Variants in GRAMD1B observed in about 807,000 individuals in gnomAD.
GRAMD1B encodes protein Aster-B.
In GRAMD1B, 37 loss-of-function variants were observed where a neutral mutation model predicts 99.7. The ratio of observed to expected loss-of-function variants is 0.37; its 90% CI spans 0.29 to 0.49. GRAMD1B has a LOEUF of 0.49. Ranked by LOEUF, GRAMD1B falls within the 20% of genes least tolerant of loss-of-function variation. GRAMD1B has a pLI of 0.98. For missense variants in GRAMD1B, 888 were observed against 1,009.2 expected (o/e 0.88, Z 1.63); for synonymous variants, 427 against 387.6 (o/e 1.10, Z -1.19).
chr11:123,477,370 A>G (rs1225852270), intron 1 of GRAMD1B, among the ~76,000 whole-genome samples: 1 of 144,506 alleles, frequency 6.9e-6, no homozygotes, highest in African/African-American at 2.6e-5. Flanking sequence ...TGGTAAATGG[A>G]AAATGGAAAT....
At chr11:123,467,056 G>A (rs1950713632) in intron 1 of GRAMD1B, among the ~76,000 whole-genome samples, 1 of 152,194 alleles carries the variant, frequency 6.6e-6, no homozygotes, top group Non-Finnish European at 1.5e-5. Context: ...TGTGGTGATA[G>A]GCCTAGAATT....
chr11:123,547,404 G>A (rs1945128125), intron 2 of GRAMD1B, among the ~76,000 whole-genome samples: 2 of 152,188 alleles, frequency 1.3e-5, no homozygotes, highest in South Asian at 4.1e-4. Context: ...AGAGTTGGGA[G>A]GTTTTTAGAG....
intron 1 of GRAMD1B, among the ~76,000 whole-genome samples, chr11:123,424,987 T>A (rs754122935): frequency 6.6e-6 from 1 of 152,260 alleles, no homozygotes; most frequent in Non-Finnish European, 1.5e-5. Flanking sequence ...AGGAAACTTA[T>A]ACATAACAAA....
chr11:123,511,855 T>C (rs1221182241), intron 2 of GRAMD1B, among the ~76,000 whole-genome samples: 1 of 152,182 alleles, frequency 6.6e-6, no homozygotes, highest in East Asian at 1.9e-4. Flanking sequence ...GGTTTTCTGC[T>C]CCTCCCAGCC....
intron 7 of GRAMD1B, among the ~76,000 whole-genome samples, chr11:123,596,294 G>A (rs1014140737): frequency 6.6e-6 from 1 of 152,090 alleles, no homozygotes; most frequent in Admixed American, 6.5e-5. Context: ...AAGCGTGTTG[G>A]GTAATATCTC....
chr11:123,483,391 CTTT>C (rs67407274), intron 2 of GRAMD1B, among the ~76,000 whole-genome samples: 14 of 134,162 alleles, frequency 1.0e-4, no homozygotes, highest in Non-Finnish European at 9.6e-5. Context: ...TTTTCTTTTT[CTTT>C]TTTTTTTTTT....
chr11:123,597,935 C>T (rs1424428641), intron 7 of GRAMD1B: 12 of 1,081,994 alleles, frequency 1.1e-5, no homozygotes, highest in Non-Finnish European at 1.6e-5. Flanking sequence ...GAGCTACATC[C>T]CTGAACACTA....
At position 123,610,154 on chromosome 11, in the gene GRAMD1B, G is replaced by A; in HGVS notation, c.1777-42G>A. The A allele has an allele frequency of 6.2e-7, 1 of 1,607,740 alleles. No individual in the cohort carries two copies. The highest frequency in any genetic ancestry group is 8.5e-7 in the Non-Finnish European group (1 of 1,174,964). The stretch of plus-strand genomic sequence containing the variant: ...GAGAAGGTGCTTTTCCAAGCTTCTT[G>A]CTCCTCTTCAGTTTTGTCCAATGGA... On this transcript the variant is annotated intron_variant, in intron 13 of 19. Coordinates refer to ENST00000635736, the MANE Select transcript of GRAMD1B (RefSeq NM_001387025.1). This position sits in a 1 kb window ranked among gnomAD's most constrained non-coding sequence, Gnocchi z 4.1.
intron 1 of GRAMD1B, among the ~76,000 whole-genome samples, chr11:123,469,457 C>T (rs901321460): frequency 4.0e-5 from 6 of 151,886 alleles, no homozygotes; most frequent in African/African-American, 1.5e-4. Flanking sequence ...CGGATGGATT[C>T]GAGAGTCACT....
chr11:123,451,581 A>G (rs755344372), intron 1 of GRAMD1B, among the ~76,000 whole-genome samples: 1 of 152,126 alleles, frequency 6.6e-6, no homozygotes, highest in African/African-American at 2.4e-5. Flanking sequence ...TTTAACTAGC[A>G]GTTTCGGTGT....
chr11:123,555,031 TTC>T (rs1233505951), intron 2 of GRAMD1B, among the ~76,000 whole-genome samples: 4 of 152,190 alleles, frequency 2.6e-5, no homozygotes, highest in African/African-American at 4.8e-5. Context: ...GGCTGGTGAC[TTC>T]TGCAGAAAAG....
At chr11:123,477,831 G>A (rs181232874) in intron 1 of GRAMD1B, among the ~76,000 whole-genome samples, 14 of 142,776 alleles carry the variant, frequency 9.8e-5, no homozygotes, top group Admixed American at 3.6e-4. Context: ...CTGGAGTGTA[G>A]TGGCGCGATC....
At position 123,395,709 on chromosome 11, in the gene GRAMD1B, T is replaced by C. The variant is rs116485440; in HGVS notation, c.-176+36910T>C. 5.7e-3 allele frequency among the ~76,000 whole-genome samples: 871 copies of C among 152,324 alleles called. 9 individuals are homozygous for C. Among genetic ancestry groups the C allele is most frequent in the African/African-American group, 0.02 (828 of 41,582 alleles). ...CAGACCAAAGAGATGAGAATCTTTG[T>C]GGGTGAGACCCAGGCATCAGTATTT... On this transcript the variant is annotated intron_variant, in intron 1 of 20. Coordinates refer to the GRAMD1B transcript ENST00000638157.
chr11:123,378,423 G>T (rs1466033113), intron 1 of GRAMD1B, among the ~76,000 whole-genome samples: 1 of 152,174 alleles, frequency 6.6e-6, no homozygotes, highest in Non-Finnish European at 1.5e-5. Context: ...TAGTTCTGAA[G>T]TCCAGTGCAC....
At chr11:123,382,507 A>G (rs2135797732) in intron 1 of GRAMD1B, among the ~76,000 whole-genome samples, 1 of 152,226 alleles carries the variant, frequency 6.6e-6, no homozygotes, top group East Asian at 1.9e-4. Flanking sequence ...ACTCTCTTAT[A>G]TTGTGAAAAC....
intron 1 of GRAMD1B, among the ~76,000 whole-genome samples, chr11:123,415,658 G>A (rs1410528243): frequency 6.6e-6 from 1 of 151,976 alleles, no homozygotes; most frequent in African/African-American, 2.4e-5. Context: ...TAGGTTCTCA[G>A]ACACTCTTTT....
chr11:123,559,298 A>T (rs1021179563), intron 2 of GRAMD1B, among the ~76,000 whole-genome samples: 5 of 152,186 alleles, frequency 3.3e-5, no homozygotes, highest in African/African-American at 1.2e-4. Flanking sequence ...AGAGATGACA[A>T]TGGTTCTCAA....
chr11:123,440,534 G>A (rs886434872), intron 1 of GRAMD1B, among the ~76,000 whole-genome samples: 9 of 152,228 alleles, frequency 5.9e-5, no homozygotes, highest in Admixed American at 5.2e-4. Flanking sequence ...TCAGCATATT[G>A]TATCTAATAA....
In GRAMD1B at chr11:123,611,478, T is replaced by G. The variant is rs187625211; in HGVS notation, c.1919+1140T>G. Among the ~76,000 whole-genome samples, 1,234 of 152,208 alleles carry G rather than the reference T, an allele frequency of 8.1e-3. 6 individuals are homozygous for G. The highest frequency in any genetic ancestry group is 0.011 in the Non-Finnish European group (752 of 67,998). On this transcript the variant is annotated intron_variant, in intron 14 of 19. Coordinates refer to ENST00000635736, the MANE Select transcript of GRAMD1B (RefSeq NM_001387025.1). Reference sequence around the variant, plus strand: ...TCTTTTTCATTCTCTTGGTAATTTTTGGGGGGTTGGGTGTTCTGTGCTTCC... The same window carrying G: ...TCTTTTTCATTCTCTTGGTAATTTTGGGGGGGTTGGGTGTTCTGTGCTTCC...
Sources: allele counts gnomAD v4.1 joint callset (sites outside exome capture counted in the v4.1 genomes callset), GRCh38; gene constraint gnomAD v4.1.1; non-coding constraint Gnocchi (gnomAD v3.1); transcripts MANE v1.5; gene names NCBI Gene and HGNC (gene_info 2026-07-23, HGNC 2026-07-21).